Variants in MSRA observed in about 807,000 individuals in gnomAD.
MSRA encodes the protein methionine sulfoxide reductase A, also known as mitochondrial peptide methionine sulfoxide reductase.
Under a neutral mutation model 31.3 loss-of-function variants are expected in MSRA, and 54 were observed. The observed-to-expected ratio is 1.73, with a 90% CI of 1.39 to 2.17. The LOEUF (loss-of-function observed/expected upper bound fraction) is 2.17. Among genes scored for constraint, MSRA ranks in the 30% most tolerant of loss-of-function variants. MSRA has a pLI of 0.00. For synonymous variants in MSRA, 169 were observed against 116.5 expected (o/e 1.45, Z -2.90); for missense variants, 507 against 300.9 (o/e 1.69, Z -5.07).
At chr8:10,379,371 A>T (rs1805926048) in intron 5 of MSRA, among the ~76,000 whole-genome samples, 1 of 151,974 alleles carries the variant, frequency 6.6e-6, no homozygotes, top group Non-Finnish European at 1.5e-5. Context: ...TCACCACTGA[A>T]CGTTCCCTGC....
intron 5 of MSRA, among the ~76,000 whole-genome samples, chr8:10,322,056 G>C: frequency 6.6e-6 from 1 of 152,066 alleles, no homozygotes; most frequent in East Asian, 1.9e-4. Context: ...TAACAGTGGT[G>C]GGCTAACCTG....
intron 1 of MSRA, among the ~76,000 whole-genome samples, chr8:10,184,976 C>CATATGTA (rs368337441): frequency 9.8e-5 from 15 of 152,300 alleles, no homozygotes; most frequent in African/African-American, 3.1e-4. Flanking sequence ...AAACAGTTTG[C>CATATGTA]ATATGTAGCC....
chr8:10,135,506 G>T (rs925034612), intron 1 of MSRA, among the ~76,000 whole-genome samples: 2 of 152,070 alleles, frequency 1.3e-5, no homozygotes, highest in African/African-American at 2.4e-5. Flanking sequence ...CATAATATTG[G>T]GATAATGACT....
At chr8:10,068,052 T>G (rs980491380) in intron 1 of MSRA, among the ~76,000 whole-genome samples, 6 of 151,862 alleles carry the variant, frequency 4.0e-5, no homozygotes, top group Admixed American at 2.6e-4. Context: ...CCTGACTGAT[T>G]TTTGGATTTT....
At chr8:10,263,369 C>T (rs9650648) in intron 3 of MSRA, among the ~76,000 whole-genome samples, 28,593 of 152,026 alleles carry the variant, frequency 0.19, 3,546 homozygotes, top group Non-Finnish European at 0.28. Flanking sequence ...CAGTGCTTAC[C>T]ATTCATTCTA....
rs116620922 is a variant in MSRA at position 10,199,565 on chromosome 8, G to A, written c.143-8268G>A. Among the ~76,000 whole-genome samples, 1,273 of 152,050 alleles carry A rather than the reference G, an allele frequency of 8.4e-3. 13 individuals are homozygous for A. Among genetic ancestry groups the A allele is most frequent in the African/African-American group, 0.029 (1,199 of 41,468 alleles). On this transcript the variant is annotated intron_variant, in intron 1 of 5. Transcript: ENST00000317173. The stretch of plus-strand genomic sequence containing the variant: ...GCTCTCTTGACCTCGTGATCTGCCC[G>A]CCAGTTTTTTTTTAATGAATAAAAA...
At chr8:10,262,995 G>T (rs1476562077) in intron 3 of MSRA, among the ~76,000 whole-genome samples, 1 of 152,178 alleles carries the variant, frequency 6.6e-6, no homozygotes, top group Non-Finnish European at 1.5e-5. Flanking sequence ...TGCAAGTTCT[G>T]TTACCTGACT....
At chr8:10,331,265 A>G (rs1474398786) in intron 5 of MSRA, among the ~76,000 whole-genome samples, 1 of 152,172 alleles carries the variant, frequency 6.6e-6, no homozygotes, top group African/African-American at 2.4e-5. Flanking sequence ...GCTGCACTCC[A>G]TGGAGCGGGG....
At chr8:10,420,373 A>G (rs1486081776) in intron 5 of MSRA, among the ~76,000 whole-genome samples, 1 of 151,684 alleles carries the variant, frequency 6.6e-6, no homozygotes, top group African/African-American at 2.4e-5. Flanking sequence ...TATTGATAAT[A>G]TTGGGGCTTC....
intron 1 of MSRA, among the ~76,000 whole-genome samples, chr8:10,137,038 C>G (rs1383568084): frequency 6.6e-6 from 1 of 152,114 alleles, no homozygotes; most frequent in Non-Finnish European, 1.5e-5. Context: ...TCTGCAGTAA[C>G]CTGTGATGTG....
intron 2 of MSRA, among the ~76,000 whole-genome samples, chr8:10,234,429 T>G (rs1811767492): frequency 6.6e-6 from 1 of 152,016 alleles, no homozygotes; most frequent in Non-Finnish European, 1.5e-5. Flanking sequence ...ATGTAACAAT[T>G]GTAAGGGTAA....
chr8:10,197,853 G>A (rs1238386817), intron 1 of MSRA, among the ~76,000 whole-genome samples: 1 of 152,140 alleles, frequency 6.6e-6, no homozygotes, highest in Non-Finnish European at 1.5e-5. Context: ...TGCGTCACTT[G>A]GGGCAGTTTC....
intron 1 of MSRA, among the ~76,000 whole-genome samples, chr8:10,112,475 A>G (rs947664101): frequency 2.0e-5 from 3 of 152,230 alleles, no homozygotes; most frequent in African/African-American, 7.2e-5. Context: ...CAGTTCTTCA[A>G]CCTTGTTTTG....
intron 1 of MSRA, among the ~76,000 whole-genome samples, chr8:10,130,275 A>G (rs1351940653): frequency 1.3e-5 from 2 of 152,220 alleles, no homozygotes; most frequent in African/African-American, 2.4e-5. Context: ...GAGACTGCTC[A>G]TTATTCTATC....
intron 1 of MSRA, among the ~76,000 whole-genome samples, chr8:10,144,122 C>G (rs561979970): frequency 6.6e-6 from 1 of 152,146 alleles, no homozygotes; most frequent in East Asian, 1.9e-4. Context: ...AGGGCCGGAT[C>G]GCCACCATCT....
intron 5 of MSRA, among the ~76,000 whole-genome samples, chr8:10,349,852 G>A (rs1804015293): frequency 6.6e-6 from 1 of 152,238 alleles, no homozygotes; most frequent in South Asian, 2.1e-4. Flanking sequence ...TGTCTGTGAG[G>A]CTCACTGCTG....
At chr8:10,264,692 G>A (rs532165363) in intron 3 of MSRA, among the ~76,000 whole-genome samples, 72 of 152,308 alleles carry the variant, frequency 4.7e-4, no homozygotes, top group Non-Finnish European at 6.2e-4. Context: ...TGGCCTTCTG[G>A]TGCACGTGGT....
intron 5 of MSRA, among the ~76,000 whole-genome samples, chr8:10,390,930 C>T (rs181969611): frequency 4.0e-5 from 6 of 150,600 alleles, no homozygotes; most frequent in South Asian, 4.3e-4. Context: ...GAGCCGAGAT[C>T]GCGCCACTGC....
intron 5 of MSRA, among the ~76,000 whole-genome samples, chr8:10,394,960 A>G (rs1807003096): frequency 1.3e-5 from 2 of 152,154 alleles, no homozygotes; most frequent in Non-Finnish European, 2.9e-5. Context: ...TGTTGATGAT[A>G]TTGCCTTTGA....
Sources: allele counts gnomAD v4.1 joint callset (sites outside exome capture counted in the v4.1 genomes callset), GRCh38; gene constraint gnomAD v4.1.1; transcripts MANE v1.5; gene names NCBI Gene and HGNC (gene_info 2026-07-23, HGNC 2026-07-21).